ARHGAP24: variants seen among roughly 807,000 people sequenced by gnomAD.
The protein encoded by ARHGAP24 is Rho GTPase activating protein 24, also known as rho GTPase-activating protein 24.
ARHGAP24 carries 50 observed loss-of-function variants against 76.4 expected under a neutral mutation model. The observed-to-expected ratio is 0.65, with a 90% CI of 0.52 to 0.83. The LOEUF (loss-of-function observed/expected upper bound fraction) is 0.83, where lower values mean the gene tolerates loss of function less well. Ranked by LOEUF, ARHGAP24 falls within the 40% of genes least tolerant of loss-of-function variation. The pLI, the probability that ARHGAP24 is intolerant of heterozygous loss-of-function variation, is 0.00. For missense variants in ARHGAP24, 930 were observed against 914.2 expected, an observed-to-expected ratio of 1.02 and a Z score of -0.22; for synonymous variants, 345 against 323.3, an observed-to-expected ratio of 1.07 and a Z score of -0.72.
intron 3 of ARHGAP24, among the ~76,000 whole-genome samples, chr4:85,838,325 C>A (rs1222257000): frequency 6.6e-6 from 1 of 152,124 alleles, no homozygotes; most frequent in African/African-American, 2.4e-5. Context: ...TAGCCGGGCA[C>A]GGTGGCTCAC....
intron 1 of ARHGAP24, among the ~76,000 whole-genome samples, chr4:85,520,040 G>T (rs1724676366): frequency 6.6e-6 from 1 of 152,054 alleles, no homozygotes. Context: ...CTAGCAAAAT[G>T]AAGCAATTTG....
intron 3 of ARHGAP24, among the ~76,000 whole-genome samples, chr4:85,734,517 A>G (rs1252030458): frequency 2.0e-5 from 3 of 152,108 alleles, no homozygotes; most frequent in Non-Finnish European, 2.9e-5. Context: ...CAGTTGCCCA[A>G]GCTTTCTGTA....
intron 2 of ARHGAP24, among the ~76,000 whole-genome samples, chr4:85,649,011 ATGTGTGTG>A (rs3028048): frequency 7.7e-4 from 114 of 147,904 alleles, no homozygotes; most frequent in Non-Finnish European, 1.2e-3. Context: ...ATTTGTAAAT[ATGTGTGTG>A]TGTGTGTGTG....
intron 3 of ARHGAP24, among the ~76,000 whole-genome samples, chr4:85,880,160 A>G (rs1300247229): frequency 6.6e-6 from 1 of 152,252 alleles, no homozygotes; most frequent in Non-Finnish European, 1.5e-5. Flanking sequence ...ATAATAAAAT[A>G]GAACAATTAT....
chr4:85,707,301 G>T (rs1724351441), intron 2 of ARHGAP24, among the ~76,000 whole-genome samples: 1 of 152,148 alleles, frequency 6.6e-6, no homozygotes. Flanking sequence ...GATGTTGTGG[G>T]TAAAGAGAAT....
intron 3 of ARHGAP24, among the ~76,000 whole-genome samples, chr4:85,822,655 T>C (rs1729526494): frequency 6.6e-6 from 1 of 152,212 alleles, no homozygotes; most frequent in Non-Finnish European, 1.5e-5. Context: ...TTCTTGATCA[T>C]ACATGTGTTG....
At chr4:85,697,548 C>G (rs574267804) in intron 2 of ARHGAP24, among the ~76,000 whole-genome samples, 1 of 152,142 alleles carries the variant, frequency 6.6e-6, no homozygotes, top group South Asian at 2.1e-4. Flanking sequence ...AACATACTTA[C>G]AATAACATAC....
intron 1 of ARHGAP24, among the ~76,000 whole-genome samples, chr4:85,531,333 A>G (rs1725251500): frequency 1.3e-5 from 2 of 152,092 alleles, no homozygotes; most frequent in African/African-American, 2.4e-5. Flanking sequence ...GAAATCCTCC[A>G]TGAATAGTTA....
intron 3 of ARHGAP24, among the ~76,000 whole-genome samples, chr4:85,913,607 C>T (rs1735206805): frequency 6.6e-6 from 1 of 152,066 alleles, no homozygotes; most frequent in Non-Finnish European, 1.5e-5. Context: ...CCCGTAAACT[C>T]CAGCCTTTGT....
intron 3 of ARHGAP24, among the ~76,000 whole-genome samples, chr4:85,797,655 T>C (rs1172755795): frequency 6.6e-6 from 1 of 152,216 alleles, no homozygotes; most frequent in Non-Finnish European, 1.5e-5. Context: ...CTCCATATTA[T>C]GGTATGAAGA....
intron 8 of ARHGAP24, chr4:85,991,962 AT>A (rs1350256068): frequency 2.6e-6 from 1 of 390,668 alleles, no homozygotes; most frequent in Non-Finnish European, 4.5e-6. Context: ...GAAAAATCAA[AT>A]TTTTAGCCAA....
At chr4:85,782,458 T>C (rs954128233) in intron 3 of ARHGAP24, among the ~76,000 whole-genome samples, 1 of 152,214 alleles carries the variant, frequency 6.6e-6, no homozygotes, top group African/African-American at 2.4e-5. Context: ...AATTAATGCA[T>C]GTTAGCATTC....
intron 5 of ARHGAP24, among the ~76,000 whole-genome samples, chr4:85,952,781 G>T (rs1737693939): frequency 6.6e-6 from 1 of 152,124 alleles, no homozygotes; most frequent in South Asian, 2.1e-4. Context: ...TCATTGACCT[G>T]AAAGAATTTG....
At chr4:85,541,737 G>A (rs997463904) in intron 1 of ARHGAP24, among the ~76,000 whole-genome samples, 7 of 148,474 alleles carry the variant, frequency 4.7e-5, no homozygotes, top group African/African-American at 1.3e-4. Flanking sequence ...ATTATATCAC[G>A]TAATCACTGA....
At chr4:85,856,350 T>G (rs1295478063) in intron 3 of ARHGAP24, among the ~76,000 whole-genome samples, 2 of 152,148 alleles carry the variant, frequency 1.3e-5, no homozygotes, top group African/African-American at 4.8e-5. Context: ...GGACATACAC[T>G]AAGAACATTT....
chr4:85,791,013 A>G (rs1392674823), intron 3 of ARHGAP24, among the ~76,000 whole-genome samples: 1 of 152,212 alleles, frequency 6.6e-6, no homozygotes, highest in East Asian at 1.9e-4. Flanking sequence ...GTAAACATTT[A>G]TTGTCACTAA....
At chr4:85,990,128 CTT>C (rs1194081609) in intron 8 of ARHGAP24, 4 of 151,578 alleles carry the variant, frequency 2.6e-5, no homozygotes, top group African/African-American at 9.7e-5. Flanking sequence ...ATTTATAAAA[CTT>C]TATTGTATTT....
intron 3 of ARHGAP24, among the ~76,000 whole-genome samples, chr4:85,747,528 C>T (rs1388399041): frequency 2.0e-5 from 3 of 152,096 alleles, no homozygotes; most frequent in Non-Finnish European, 4.4e-5. Flanking sequence ...GCGGTGAAAC[C>T]CCGTCTCTAC....
chr4:85,498,104 T>C (rs1156543689), intron 1 of ARHGAP24, among the ~76,000 whole-genome samples: 1 of 152,238 alleles, frequency 6.6e-6, no homozygotes, highest in East Asian at 1.9e-4. Flanking sequence ...TTCTTTTCTT[T>C]GGTAACAAGA....
Sources: gnomAD v4.1 joint callset for allele counts (sites outside exome capture counted in the v4.1 genomes callset) on GRCh38, gnomAD v4.1.1 for gene constraint, MANE v1.5 for transcripts, NCBI Gene and HGNC (gene_info 2026-07-23, HGNC 2026-07-21) for gene names.